The following DHX57 variants were observed in gnomAD, a reference collection of about 807,000 sequenced individuals.
DHX57 encodes DExH-box helicase 57.
In DHX57, 105 loss-of-function variants were observed where a neutral mutation model predicts 156.2. The observed-to-expected ratio is 0.67, with a 90% CI of 0.57 to 0.79. The LOEUF (loss-of-function observed/expected upper bound fraction) is 0.79, where lower values mean the gene tolerates loss of function less well. DHX57 is among the 30% of genes least tolerant of loss of function. DHX57 has a pLI of 0.00. For missense variants in DHX57, 1,847 were observed against 1,661.9 expected, an observed-to-expected ratio of 1.11 and a Z score of -1.94; for synonymous variants, 704 against 595.6, an observed-to-expected ratio of 1.18 and a Z score of -2.65.
rs1049983570 is a variant in DHX57, at chr2:38,861,735, T to G, written c.675A>C (p.Thr225=). The G allele has an allele frequency of 3.7e-6, 6 of 1,614,086 alleles. No homozygotes were observed. The highest frequency in any genetic ancestry group is 5.1e-6 in the Non-Finnish European group (6 of 1,180,042). The change falls in exon 5 of 24, where the codon ACA becomes ACC. Residue 225 remains threonine, a synonymous_variant. Transcript: ENST00000457308. The stretch of plus-strand genomic sequence containing the variant: ...CAGAGATCTTCATCCTCTCTCCAAA[T>G]GTCTCTGAAAAACACTGGGTAAGGA... ...EHLLTQCFSE[T]FGERMKISEA...
chr2:38,807,331 G>C (rs1436330426), intron 21 of DHX57, among the ~76,000 whole-genome samples: 1 of 151,916 alleles, frequency 6.6e-6, no homozygotes, highest in African/African-American at 2.4e-5. Flanking sequence ...CTGGATTACA[G>C]GCGTGAGCCA....
intron 1 of DHX57, among the ~76,000 whole-genome samples, chr2:38,869,587 T>C (rs1409075513): frequency 6.6e-6 from 1 of 152,252 alleles, no homozygotes; most frequent in Middle Eastern, 3.2e-3. Context: ...ACCATGGGCA[T>C]ACCTAAAGCT....
chr2:38,875,821 G>A lies in DHX57; in HGVS notation c.-41C>T. On this transcript the variant is annotated 5_prime_UTR_variant, in exon 1 of 24. Transcript: ENST00000457308. Reference sequence around the variant, plus strand: ...AGAGTTGGGTCCCGAGCCGGCTGTCGGGAGGTGCTGCCCAAGGGTCAGAGG... The same window carrying A: ...AGAGTTGGGTCCCGAGCCGGCTGTCAGGAGGTGCTGCCCAAGGGTCAGAGG... 1 of 388,830 alleles carries A rather than the reference G, an allele frequency of 2.6e-6. No homozygotes were observed. 24.1% of individuals were successfully genotyped at this position (388,830 alleles called of 1,614,324 possible). A position where few individuals can be genotyped will look rare whatever the true frequency, so the allele number is the denominator to read the frequency against.
At chr2:38,821,478 A>G (rs1396363098) in intron 17 of DHX57, among the ~76,000 whole-genome samples, 2 of 151,938 alleles carry the variant, frequency 1.3e-5, no homozygotes, top group African/African-American at 4.8e-5. Flanking sequence ...GGCAGATCAC[A>G]AGGTCAGGAG....
chr2:38,865,104 C>G (rs1403355366), intron 2 of DHX57, among the ~76,000 whole-genome samples: 1 of 152,122 alleles, frequency 6.6e-6, no homozygotes, highest in Non-Finnish European at 1.5e-5. Context: ...CTTTGTTTTT[C>G]ATACTTTCTC....
At chr2:38,813,979 C>T in intron 20 of DHX57, 84 bp from the exon 21 acceptor site, 1 of 1,499,430 alleles carries the variant, frequency 6.7e-7, no homozygotes, top group Non-Finnish European at 9.2e-7. Flanking sequence ...GCTCTGTCAC[C>T]CAGGCAAGTG....
chr2:38,839,665 A>G (rs985068105), intron 12 of DHX57, among the ~76,000 whole-genome samples: 1 of 151,758 alleles, frequency 6.6e-6, no homozygotes, highest in Non-Finnish European at 1.5e-5. Flanking sequence ...AGGTTGTGGT[A>G]AGCTGAGATC....
intron 20 of DHX57, 23 bp downstream of exon 20, chr2:38,815,498 A>G: frequency 6.2e-7 from 1 of 1,613,792 alleles, no homozygotes; most frequent in South Asian, 1.1e-5. Context: ...AAGAGAAATG[A>G]GAACCAACTC....
At chr2:38,844,347 T>TAATTTTTAATAGC (rs1672156376) in intron 11 of DHX57, among the ~76,000 whole-genome samples, 1 of 24,762 alleles carries the variant, frequency 4.0e-5, no homozygotes, top group African/African-American at 4.4e-5. Context: ...AAGAAATGAT[T>TAATTTTTAATAGC]AGGCCGGGCG....
intron 1 of DHX57, among the ~76,000 whole-genome samples, chr2:38,871,171 T>A (rs538263115): frequency 6.6e-6 from 1 of 152,354 alleles, no homozygotes; most frequent in East Asian, 1.9e-4. Context: ...TTTATTTATT[T>A]GAAAACCAGT....
intron 10 of DHX57, 74 bp downstream of exon 10, chr2:38,848,183 TATAAATATCTAC>T: frequency 7.7e-7 from 1 of 1,300,622 alleles, no homozygotes; most frequent in African/African-American, 1.5e-5. Context: ...TAGAAAGAGG[TATAAATATCTAC>T]TTATGTCTCA....
chr2:38,810,501 A>G, intron 21 of DHX57: 2 of 556,372 alleles, frequency 3.6e-6, no homozygotes, highest in South Asian at 2.8e-5. Flanking sequence ...GATGTTGATG[A>G]GACTGGTGTC....
intron 22 of DHX57, 61 bp downstream of exon 22, chr2:38,806,498 G>C: frequency 6.4e-7 from 1 of 1,573,346 alleles, no homozygotes; most frequent in Non-Finnish European, 8.7e-7. Context: ...CTGAATTTAA[G>C]GAATTGCATT....
At chr2:38,830,546 T>C (rs1008258436) in intron 13 of DHX57, among the ~76,000 whole-genome samples, 1 of 151,908 alleles carries the variant, frequency 6.6e-6, no homozygotes, top group Non-Finnish European at 1.5e-5. Context: ...CGAGAATCAC[T>C]TGAACCCAGG....
chr2:38,837,726 G>A, intron 13 of DHX57, 105 bp downstream of exon 13: 3 of 715,802 alleles, frequency 4.2e-6, no homozygotes, highest in Middle Eastern at 2.4e-4. Flanking sequence ...CTTGTAGCCT[G>A]TGTGCAGAGT....
rs759509888 is a variant in DHX57 at position 38,843,184 on chromosome 2, T to C, written c.2246A>G (p.Tyr749Cys). 1.2e-6 allele frequency: 2 copies of C among 1,614,020 alleles called. No homozygotes were observed. The highest frequency in any genetic ancestry group is 2.7e-5 in the African/African-American group (2 of 74,948). ...TGAAATCTGTTTCATGGACCGCATA[T>C]ATGGGCTCCCATCCTGTAATACATA... ...TRYVLQDGSP[Y>C]MRSMKQISKE... is the part of the protein sequence containing the mutation. Residue 749 changes from tyrosine to cysteine, a missense_variant, in exon 12 of 24, where the codon TAT becomes TGT. Coordinates refer to ENST00000457308, the MANE Select transcript of DHX57 (RefSeq NM_198963.3).
Position 38,819,140 on chromosome 2 carries a change from G to C in DHX57, c.3296C>G (p.Ser1099Cys). The change falls in exon 18 of 24, where the codon TCT (serine) becomes TGT (cysteine). Residue 1099 changes from serine (S) to cysteine (C), a missense_variant. By Grantham distance (112) the Ser-to-Cys change is moderately radical. Coordinates refer to ENST00000457308, the MANE Select transcript of DHX57 (RefSeq NM_198963.3). ...AGCTTCTTCTTTTTTATCCCAGGGAGATACCTAAAGGAGAGAGGAAAATCA... is the reference window on the plus strand; with the variant it reads ...AGCTTCTTCTTTTTTATCCCAGGGACATACCTAAAGGAGAGAGGAAAATCA... ...ASLAFKSPFVSPWDKKEEANQ... is the reference protein window; with the variant it reads ...ASLAFKSPFVCPWDKKEEANQ... The C allele has an allele frequency of 1.2e-6, 2 of 1,613,662 alleles. No individual in the cohort carries two copies. Among genetic ancestry groups the C allele is most frequent in the Non-Finnish European group, 1.7e-6 (2 of 1,179,912 alleles).
intron 12 of DHX57, among the ~76,000 whole-genome samples, chr2:38,840,717 G>A (rs1046617548): frequency 6.6e-6 from 1 of 152,068 alleles, no homozygotes; most frequent in African/African-American, 2.4e-5. Context: ...GGGTCCCAAA[G>A]GTACTTTCTG....
At position 38,837,860 on chromosome 2, in the gene DHX57, A is replaced by G. The variant is rs1434281378; in HGVS notation, c.2513T>C (p.Ile838Thr). Residue 838 changes from isoleucine (I) to threonine (T), a missense_variant, in exon 13 of 24, where the codon ATT (isoleucine) becomes ACT (threonine). Ile to Thr is a moderately conservative substitution (Grantham distance 89, BLOSUM62 -1). Coordinates refer to ENST00000457308, the MANE Select transcript of DHX57 (RefSeq NM_198963.3). ...LELIEALLEW[I>T]VDGKHSYPPG... ...AGGGTAGGAGTGCTTTCCATCCACA[A>G]TCCACTCTAATAAGGCCTCTATTAA... is the stretch of plus-strand genomic sequence containing the variant. 10 of 1,611,656 alleles carry G rather than the reference A, an allele frequency of 6.2e-6. No homozygotes were observed. In the East Asian group the frequency reaches 2.0e-4, roughly 32 times the overall value.
Sources: allele counts gnomAD v4.1 joint callset (sites outside exome capture counted in the v4.1 genomes callset), GRCh38; gene constraint gnomAD v4.1.1; transcripts MANE v1.5; gene names NCBI Gene and HGNC (gene_info 2026-07-23, HGNC 2026-07-21).